NLGN1: variants seen among roughly 807,000 people sequenced by gnomAD.
The protein encoded by NLGN1 is neuroligin-1.
A neutral mutation model predicts 65.5 loss-of-function variants in NLGN1; 12 were observed. That is an observed-to-expected ratio of 0.18 (90% CI 0.12 to 0.30). The LOEUF is 0.30. NLGN1 is among the 10% of genes least tolerant of loss of function. NLGN1 has a pLI of 1.00. For missense variants in NLGN1, 750 were observed against 1,007.1 expected, an observed-to-expected ratio of 0.74 and a Z score of 3.46; for synonymous variants, 350 against 359.5, an observed-to-expected ratio of 0.97 and a Z score of 0.30.
At chr3:173,407,404 A>T (rs141866079) in intron 1 of NLGN1, among the ~76,000 whole-genome samples, 1 of 152,258 alleles carries the variant, frequency 6.6e-6, no homozygotes, top group Admixed American at 6.5e-5. Context: ...TGTTTATGCA[A>T]TGGTAGAGCT....
intron 4 of NLGN1, among the ~76,000 whole-genome samples, chr3:174,188,722 G>A (rs1731857389): frequency 6.6e-6 from 1 of 151,744 alleles, no homozygotes; most frequent in Non-Finnish European, 1.5e-5. Flanking sequence ...AGACCTTTAG[G>A]GAATCATTTA....
chr3:173,802,670 A>G (rs1715687959), intron 3 of NLGN1, among the ~76,000 whole-genome samples: 1 of 152,142 alleles, frequency 6.6e-6, no homozygotes, highest in East Asian at 1.9e-4. Flanking sequence ...AGGACTTGAT[A>G]AGTAACTTCA....
chr3:174,122,944 C>T (rs1484197954), intron 4 of NLGN1, among the ~76,000 whole-genome samples: 1 of 151,528 alleles, frequency 6.6e-6, no homozygotes, highest in Admixed American at 6.6e-5. Context: ...ATAAAAATTT[C>T]CTCTTTAAAA....
At chr3:174,130,843 A>G (rs1292718007) in intron 4 of NLGN1, among the ~76,000 whole-genome samples, 2 of 152,214 alleles carry the variant, frequency 1.3e-5, no homozygotes, top group African/African-American at 2.4e-5. Flanking sequence ...AGTTAAGAGC[A>G]TGTAGATCAT....
chr3:173,428,483 A>G (rs1489146707), intron 1 of NLGN1, among the ~76,000 whole-genome samples: 1 of 151,990 alleles, frequency 6.6e-6, no homozygotes, highest in Admixed American at 6.6e-5. Context: ...CTTACAAAAT[A>G]TTTTATGGAT....
intron 2 of NLGN1, among the ~76,000 whole-genome samples, chr3:173,536,815 GC>G (rs1482363048): frequency 3.3e-5 from 5 of 151,850 alleles, no homozygotes; most frequent in African/African-American, 7.3e-5. Context: ...TAAGTAATTG[GC>G]TCACATGATT....
chr3:173,860,735 T>C (rs1728888932), intron 4 of NLGN1, among the ~76,000 whole-genome samples: 1 of 152,124 alleles, frequency 6.6e-6, no homozygotes, highest in African/African-American at 2.4e-5. Context: ...CTCTAGAGAA[T>C]GAAATGTGAA....
At chr3:173,612,793 C>CG (rs1456941712) in intron 3 of NLGN1, among the ~76,000 whole-genome samples, 1 of 152,058 alleles carries the variant, frequency 6.6e-6, no homozygotes, top group African/African-American at 2.4e-5. Flanking sequence ...GTTCTGGAGA[C>CG]TAACAAGTCT....
chr3:173,404,934 C>G (rs1274881968), intron 1 of NLGN1, among the ~76,000 whole-genome samples: 1 of 152,052 alleles, frequency 6.6e-6, no homozygotes, highest in Non-Finnish European at 1.5e-5. Context: ...TTCTCTACTA[C>G]TTAGAATTTT....
intron 4 of NLGN1, among the ~76,000 whole-genome samples, chr3:173,810,332 A>G (rs576939193): frequency 1.6e-4 from 24 of 152,304 alleles, no homozygotes; most frequent in Admixed American, 1.4e-3. Context: ...GTAAAAAGGT[A>G]AGCCAAGGTT....
chr3:173,498,602 A>G (rs1353197309), intron 2 of NLGN1, among the ~76,000 whole-genome samples: 1 of 151,764 alleles, frequency 6.6e-6, no homozygotes. Flanking sequence ...TGGTATTTCT[A>G]GTTCTAGATC....
At chr3:174,032,061 C>T (rs1560884223) in intron 4 of NLGN1, among the ~76,000 whole-genome samples, 1 of 151,896 alleles carries the variant, frequency 6.6e-6, no homozygotes, top group Non-Finnish European at 1.5e-5. Context: ...AAGAAGACTC[C>T]TATAACCAGG....
intron 4 of NLGN1, among the ~76,000 whole-genome samples, chr3:174,149,171 A>G (rs1723873871): frequency 6.6e-6 from 1 of 152,154 alleles, no homozygotes; most frequent in Non-Finnish European, 1.5e-5. Context: ...TAGTGAGGAG[A>G]AAAAACTTTC....
At chr3:174,204,048 T>G in intron 4 of NLGN1, among the ~76,000 whole-genome samples, 1 of 152,202 alleles carries the variant, frequency 6.6e-6, no homozygotes, top group East Asian at 1.9e-4. Context: ...TATCTTTCTA[T>G]TAGACATAAG....
At chr3:173,819,252 C>T (rs994337334) in intron 4 of NLGN1, among the ~76,000 whole-genome samples, 1 of 152,032 alleles carries the variant, frequency 6.6e-6, no homozygotes, top group African/African-American at 2.4e-5. Flanking sequence ...TTTTGGCTGA[C>T]CCCTCATCCT....
intron 3 of NLGN1, among the ~76,000 whole-genome samples, chr3:173,633,419 G>T: frequency 6.6e-6 from 1 of 152,226 alleles, no homozygotes; most frequent in East Asian, 1.9e-4. Context: ...TTCACCTGTT[G>T]TGTGTTCTTA....
intron 4 of NLGN1, among the ~76,000 whole-genome samples, chr3:173,912,935 A>C (rs1739921760): frequency 6.6e-6 from 1 of 152,134 alleles, no homozygotes; most frequent in Non-Finnish European, 1.5e-5. Context: ...TCCATTAAAA[A>C]TATAAGGAAA....
chr3:174,068,901 C>T (rs1310559587), intron 4 of NLGN1, among the ~76,000 whole-genome samples: 2 of 152,066 alleles, frequency 1.3e-5, no homozygotes, highest in Non-Finnish European at 1.5e-5. Flanking sequence ...ATGTGTGTGC[C>T]GATGCTGTGG....
chr3:173,889,461 C>A (rs1734939128), intron 4 of NLGN1, among the ~76,000 whole-genome samples: 2 of 152,098 alleles, frequency 1.3e-5, no homozygotes, highest in Non-Finnish European at 2.9e-5. Flanking sequence ...GGAGTTAATA[C>A]CTTTTACTAC....
Sources: gnomAD v4.1 joint callset for allele counts (sites outside exome capture counted in the v4.1 genomes callset) on GRCh38, gnomAD v4.1.1 for gene constraint, MANE v1.5 for transcripts, NCBI Gene and HGNC (gene_info 2026-07-23, HGNC 2026-07-21) for gene names.